Variants in GLYATL2 observed in about 807,000 individuals in gnomAD.
The protein encoded by GLYATL2 is glycine N-acyltransferase-like protein 2.
GLYATL2 carries 25 observed loss-of-function variants against 21.4 expected under a neutral mutation model. That is an observed-to-expected ratio of 1.17 (90% confidence interval 0.85 to 1.63). The LOEUF (loss-of-function observed/expected upper bound fraction) is 1.63. Among genes scored for constraint, GLYATL2 ranks in the 40% most tolerant of loss-of-function variants. The pLI is 0.00. For synonymous variants in GLYATL2, 114 were observed against 118.2 expected (o/e 0.96, Z 0.23); for missense variants, 361 against 343.3 (o/e 1.05, Z -0.41).
chr11:58,881,551 T>G (rs1329950680), intron 1 of GLYATL2, among the ~76,000 whole-genome samples: 1 of 152,210 alleles, frequency 6.6e-6, no homozygotes, highest in Non-Finnish European at 1.5e-5. Context: ...CAACTCCTAT[T>G]CTAAGCTTTC....
upstream of GLYATL2, among the ~76,000 whole-genome samples, chr11:58,845,163 C>T (rs944223346): frequency 7.2e-5 from 11 of 152,142 alleles, no homozygotes; most frequent in African/African-American, 2.2e-4. Context: ...TGTTTGTTAA[C>T]AATACAAGAA....
At chr11:58,879,551 A>G (rs1316551243) in intron 1 of GLYATL2, among the ~76,000 whole-genome samples, 2 of 152,216 alleles carry the variant, frequency 1.3e-5, no homozygotes, top group South Asian at 2.1e-4. Flanking sequence ...GACACGTAAT[A>G]CAACATATGT....
At chr11:58,895,281 T>A (rs1306125730) in intron 1 of GLYATL2, among the ~76,000 whole-genome samples, 1 of 152,216 alleles carries the variant, frequency 6.6e-6, no homozygotes, top group Non-Finnish European at 1.5e-5. Context: ...AAGTCCAAAA[T>A]TATCAGTAAA....
intron 1 of GLYATL2, among the ~76,000 whole-genome samples, chr11:58,844,181 T>C (rs1228915597): frequency 6.6e-6 from 1 of 152,160 alleles, no homozygotes; most frequent in Non-Finnish European, 1.5e-5. Flanking sequence ...TGATAACTTA[T>C]AATTCAAGGA....
At chr11:58,862,609 T>A (rs1427283595) in intron 1 of GLYATL2, among the ~76,000 whole-genome samples, 3 of 152,208 alleles carry the variant, frequency 2.0e-5, no homozygotes, top group Non-Finnish European at 4.4e-5. Flanking sequence ...TCTATGAAAT[T>A]TTCAGTTCAA....
At chr11:58,882,848 G>A (rs375208110) in intron 1 of GLYATL2, among the ~76,000 whole-genome samples, 1 of 151,176 alleles carries the variant, frequency 6.6e-6, no homozygotes, top group African/African-American at 2.4e-5. Context: ...ATTCCTTTAG[G>A]TTTGTCAAAG....
intron 1 of GLYATL2, among the ~76,000 whole-genome samples, chr11:58,900,459 C>T (rs942972653): frequency 6.6e-6 from 1 of 152,326 alleles, no homozygotes; most frequent in Middle Eastern, 3.4e-3. Flanking sequence ...TGTTATCTCT[C>T]TCCCTATTCT....
At chr11:58,875,118 C>CT (rs1180834808) in intron 1 of GLYATL2, among the ~76,000 whole-genome samples, 2 of 152,070 alleles carry the variant, frequency 1.3e-5, no homozygotes, top group African/African-American at 2.4e-5. Context: ...CAACCCTTGC[C>CT]TTTTTTTGTT....
chr11:58,843,525 G>A (rs544873410), intron 1 of GLYATL2, among the ~76,000 whole-genome samples: 53 of 152,148 alleles, frequency 3.5e-4, no homozygotes, highest in Non-Finnish European at 7.1e-4. Flanking sequence ...GTTTTTTCAG[G>A]GCTGGTGTAG....
Position 58,834,607 on chromosome 11 carries a change from C to T in GLYATL2, c.707G>A (p.Gly236Asp), listed in dbSNP as rs1366192815. Residue 236 changes from glycine (G) to aspartate (D), a missense_variant, in exon 6 of 6, where the codon GGC becomes GAC. By Grantham distance (94) the Gly-to-Asp change is moderately conservative (BLOSUM62 -1). Transcript: ENST00000287275. ...ATGATAACCAATTTGCAACATGTTG[C>T]CTTGGTGTCTGTATTTGGGGACAGT... The part of the protein sequence containing the change: ...GYTVPKYRHQ[G>D]NMLQIGYHLE... 1 of 1,613,656 alleles carries T rather than the reference C, an allele frequency of 6.2e-7. No homozygotes were observed. Among genetic ancestry groups the T allele is most frequent in the South Asian group, 1.1e-5 (1 of 91,038 alleles).
At chr11:58,907,436 T>C (rs533948832), upstream of GLYATL2, 4 of 453,178 alleles carry the variant, frequency 8.8e-6, no homozygotes, top group Admixed American at 4.7e-5. Flanking sequence ...GCATGATGTC[T>C]AGTTCCTTGC....
intron 1 of GLYATL2, among the ~76,000 whole-genome samples, chr11:58,856,170 C>T (rs1853824600): frequency 6.6e-6 from 1 of 152,016 alleles, no homozygotes; most frequent in South Asian, 2.1e-4. Flanking sequence ...GGCTTCTTTC[C>T]TTAAACCTCA....
intron 1 of GLYATL2, among the ~76,000 whole-genome samples, chr11:58,859,533 A>G (rs1853894990): frequency 6.6e-6 from 1 of 152,084 alleles, no homozygotes. Flanking sequence ...TTTCAGATGT[A>G]TGGTTTGCAA....
chr11:58,875,668 C>G (rs961549443), intron 1 of GLYATL2, among the ~76,000 whole-genome samples: 3 of 152,220 alleles, frequency 2.0e-5, no homozygotes, highest in African/African-American at 7.2e-5. Flanking sequence ...AGCTGTTAGT[C>G]TGTTGGGCTT....
rs369465690 is a variant in GLYATL2, at chr11:58,853,238, AC to A, written n.61-14871del. On this transcript the variant is annotated intron_variant and non_coding_transcript_variant, in intron 1 of 4. Transcript: ENST00000533636. ...TTAAATATCCTGACAAACACAATTG[AC>A]CCTTGAACAACATAGGTGTGAACTG... Among the ~76,000 whole-genome samples the A allele has an allele frequency of 4.7e-3, 710 of 152,326 alleles. 6 individuals are homozygous for A. Among genetic ancestry groups the A allele is most frequent in the African/African-American group, 0.016 (674 of 41,570 alleles).
chr11:58,878,536 G>T (rs910569376), intron 1 of GLYATL2, among the ~76,000 whole-genome samples: 2 of 152,210 alleles, frequency 1.3e-5, no homozygotes, highest in East Asian at 1.9e-4. Flanking sequence ...AGCTGGCTTC[G>T]ATCCCCTTAG....
At chr11:58,902,991 C>G (rs937709033) in intron 1 of GLYATL2, among the ~76,000 whole-genome samples, 11 of 152,202 alleles carry the variant, frequency 7.2e-5, no homozygotes, top group African/African-American at 2.4e-4. Flanking sequence ...TAGAGCTCTA[C>G]TCTGGACCTA....
upstream of GLYATL2, chr11:58,905,626 G>A (rs1333384621): frequency 2.2e-6 from 1 of 456,302 alleles, no homozygotes; most frequent in Non-Finnish European, 4.4e-6. Flanking sequence ...CCGATGAGCA[G>A]GAAGAAGCAG....
Position 58,866,350 on chromosome 11 carries a change from C to A in GLYATL2, n.61-27982G>T, listed in dbSNP as rs1276754966. Among the ~76,000 whole-genome samples the A allele has an allele frequency of 1.3e-5, 2 of 148,876 alleles. 1 individual carries two copies. Among genetic ancestry groups the A allele is most frequent in the Non-Finnish European group, 3.0e-5 (2 of 67,158 alleles). The stretch of plus-strand genomic sequence containing the variant: ...CTCCTCTATGCCTTCCCACCAGCCA[C>A]CAGTCAGTTAAAACAGCTTTCTTTT... On this transcript the variant is annotated intron_variant and non_coding_transcript_variant, in intron 1 of 4. Transcript: ENST00000533636.
Sources: gnomAD v4.1 joint callset for allele counts (sites outside exome capture counted in the v4.1 genomes callset) on GRCh38, gnomAD v4.1.1 for gene constraint, MANE v1.5 for transcripts, NCBI Gene and HGNC (gene_info 2026-07-23, HGNC 2026-07-21) for gene names.